TSPEAR: variants seen among roughly 807,000 people sequenced by gnomAD.
TSPEAR encodes the protein thrombospondin type laminin G domain and EAR repeats, also known as thrombospondin-type laminin G domain and EAR repeat-containing protein.
In TSPEAR, 69 loss-of-function variants were observed where a neutral mutation model predicts 71.6. The ratio of observed to expected loss-of-function variants is 0.96; its 90% CI spans 0.79 to 1.18. The LOEUF (loss-of-function observed/expected upper bound fraction) is 1.18, where lower values mean the gene tolerates loss of function less well. Among genes scored for constraint, TSPEAR ranks in the 50% most tolerant of loss-of-function variants. TSPEAR has a pLI of 0.00. For missense variants in TSPEAR, 971 were observed against 894.9 expected (o/e 1.09, Z -1.09); for synonymous variants, 402 against 387.2 (o/e 1.04, Z -0.45).
intron 1 of TSPEAR, among the ~76,000 whole-genome samples, chr21:44,586,443 G>A (rs1474156637): frequency 5.9e-5 from 9 of 152,086 alleles, no homozygotes; most frequent in Non-Finnish European, 8.8e-5. Flanking sequence ...CCCAAACAGA[G>A]GGCTTAGGCT....
chr21:44,551,647 C>T, intron 2 of TSPEAR: 4 of 813,898 alleles, frequency 4.9e-6, no homozygotes, highest in Non-Finnish European at 7.6e-6. Flanking sequence ...CCGGGAGGAC[C>T]CTCATTATTT....
chr21:44,667,554 A>G (rs1985852052), intron 1 of TSPEAR, among the ~76,000 whole-genome samples: 1 of 152,232 alleles, frequency 6.6e-6, no homozygotes, highest in East Asian at 1.9e-4. Flanking sequence ...GCATGGAGAC[A>G]CAGCTCTAAG....
chr21:44,579,129 C>A lies in TSPEAR; in HGVS notation c.83-11124G>T, dbSNP rs1555924393. On this transcript the variant is annotated intron_variant, in intron 1 of 11. Transcript: ENST00000323084. The stretch of plus-strand genomic sequence containing the variant: ...CCTGGAGGCTGCGGTGCCCGGACCC[C>A]AGGCCAGCTTCCTGGAAGGTGACCC... Among the ~76,000 whole-genome samples the A allele has an allele frequency of 2.6e-5, 4 of 152,190 alleles. No individual in the cohort carries two copies. In the South Asian group the frequency reaches 6.2e-4, roughly 24 times the overall value.
At chr21:44,568,389 G>A (rs374466243) in intron 1 of TSPEAR, among the ~76,000 whole-genome samples, 28 of 152,356 alleles carry the variant, frequency 1.8e-4, no homozygotes, top group Admixed American at 4.6e-4. Context: ...CGCAGGAAGC[G>A]GCTGGGAATG....
At position 44,507,307 on chromosome 21, in the gene TSPEAR, C is replaced by A. The variant is rs782140988; in HGVS notation, c.1754+1892G>T. Among the ~76,000 whole-genome samples the A allele has an allele frequency of 2.0e-5, 3 of 152,224 alleles. No individual in the cohort carries two copies. The South Asian group carries it at 6.2e-4, about 32-fold the overall frequency. On this transcript the variant is annotated intron_variant, in intron 10 of 11. Transcript: ENST00000323084. ...TGTGGATTTAATAGAACTACTGAAT[C>A]TAAAAAGCAAACACAAGCGACCATT...
rs2052282383 is a variant in TSPEAR, at chr21:44,509,111, G to A, written c.1754+88C>T. 2.8e-6 allele frequency: 4 copies of A among 1,450,172 alleles called. No individual in the cohort carries two copies. The Admixed American group carries it at 5.8e-5, about 21-fold the overall frequency. 89.8% of individuals were successfully genotyped at this position (1,450,172 alleles called of 1,614,324 possible). On this transcript the variant is annotated intron_variant, in intron 10 of 11. Coordinates refer to ENST00000323084, the MANE Select transcript of TSPEAR (RefSeq NM_144991.3). ...CCCAGGCCAGTCTTTCCACGGGAAG[G>A]GTGGTGAGGATGAGCCTAACGGGGA... is the stretch of plus-strand genomic sequence containing the variant.
At chr21:44,606,204 G>A (rs781800122) in intron 1 of TSPEAR, among the ~76,000 whole-genome samples, 28 of 141,924 alleles carry the variant, frequency 2.0e-4, no homozygotes, top group Non-Finnish European at 1.8e-4. Flanking sequence ...AAATAAAAAT[G>A]GGCAAAAGAC....
At chr21:44,503,017 G>T (rs1222234281) in intron 11 of TSPEAR, among the ~76,000 whole-genome samples, 1 of 137,872 alleles carries the variant, frequency 7.3e-6, no homozygotes, top group East Asian at 2.2e-4. Context: ...GAGGAAGCCG[G>T]CCTCGGTGAG....
chr21:44,656,436 A>G (rs1555942588), intron 1 of TSPEAR, among the ~76,000 whole-genome samples: 1 of 151,532 alleles, frequency 6.6e-6, no homozygotes, highest in Non-Finnish European at 1.5e-5. Context: ...GATTTTTTTC[A>G]TAGGTATAGA....
At chr21:44,568,499 G>T (rs2146072871) in intron 1 of TSPEAR, among the ~76,000 whole-genome samples, 1 of 152,344 alleles carries the variant, frequency 6.6e-6, no homozygotes, top group Non-Finnish European at 1.5e-5. Flanking sequence ...AGCTGGCAGT[G>T]CCTGCCCCTC....
At chr21:44,595,804 T>A (rs587768750) in intron 1 of TSPEAR, among the ~76,000 whole-genome samples, 1 of 152,326 alleles carries the variant, frequency 6.6e-6, no homozygotes, top group East Asian at 1.9e-4. Context: ...TACACATAAA[T>A]TTTTAAAATG....
intron 1 of TSPEAR, among the ~76,000 whole-genome samples, chr21:44,595,102 C>T (rs1421045772): frequency 1.3e-5 from 2 of 152,158 alleles, no homozygotes; most frequent in African/African-American, 2.4e-5. Context: ...GGATTACAGG[C>T]CTGAGCCATT....
intron 1 of TSPEAR, among the ~76,000 whole-genome samples, chr21:44,699,400 G>C (rs1409074685): frequency 3.6e-5 from 5 of 137,094 alleles, no homozygotes; most frequent in African/African-American, 7.6e-5. Context: ...AAAAAAAAAG[G>C]GTTGGGGAAA....
At chr21:44,639,052 C>T (rs73907102) in intron 1 of TSPEAR, among the ~76,000 whole-genome samples, 2,176 of 152,250 alleles carry the variant, frequency 0.014, 45 homozygotes, top group African/African-American at 0.05. Flanking sequence ...GCATCGCTGG[C>T]GAGAGCACAG....
chr21:44,601,545 C>G, intron 1 of TSPEAR: 2 of 1,613,732 alleles, frequency 1.2e-6, no homozygotes, highest in Non-Finnish European at 1.7e-6. Flanking sequence ...CCTCCTCCTC[C>G]GTGTCCCTCC....
intron 1 of TSPEAR, chr21:44,580,319 G>A (rs587612455): frequency 1.2e-6 from 2 of 1,614,056 alleles, no homozygotes; most frequent in East Asian, 4.5e-5. Flanking sequence ...CACGCAGCAG[G>A]CCTGCTGGCA....
At chr21:44,627,134 C>T (rs1555934513) in intron 1 of TSPEAR, 9 of 1,587,656 alleles carry the variant, frequency 5.7e-6, no homozygotes, top group Non-Finnish European at 7.7e-6. Flanking sequence ...CACACACTCA[C>T]TTACACCTCC....
intron 1 of TSPEAR, among the ~76,000 whole-genome samples, chr21:44,626,851 C>T (rs62220923): frequency 0.074 from 11,242 of 152,066 alleles, 559 homozygotes; most frequent in African/African-American, 0.12. Context: ...CGCCCACAGC[C>T]GTCCTTGCCT....
intron 1 of TSPEAR, among the ~76,000 whole-genome samples, chr21:44,692,006 T>C (rs1464808376): frequency 2.0e-5 from 3 of 152,128 alleles, no homozygotes; most frequent in Non-Finnish European, 2.9e-5. Context: ...AAGGATTATA[T>C]ACCATGACCA....
Sources: allele counts gnomAD v4.1 joint callset (sites outside exome capture counted in the v4.1 genomes callset), GRCh38; gene constraint gnomAD v4.1.1; transcripts MANE v1.5; gene names NCBI Gene and HGNC (gene_info 2026-07-23, HGNC 2026-07-21).